The following ICE2 variants were observed in gnomAD, a reference collection of about 807,000 sequenced individuals.
The protein encoded by ICE2 is interactor of little elongation complex ELL subunit 2, also known as little elongation complex subunit 2.
A neutral mutation model predicts 105.4 loss-of-function variants in ICE2; 87 were observed. The observed-to-expected ratio is 0.83, with a 90% CI of 0.69 to 0.99. The LOEUF is 0.99. Among genes scored for constraint, ICE2 ranks in the 50% least tolerant of loss-of-function variants. The pLI is 0.00. For missense variants in ICE2, 1,323 were observed against 1,146.7 expected, an observed-to-expected ratio of 1.15 and a Z score of -2.22; for synonymous variants, 399 against 392.0, an observed-to-expected ratio of 1.02 and a Z score of -0.21.
At chr15:60,446,068 C>G (rs2141049448) in intron 11 of ICE2, among the ~76,000 whole-genome samples, 1 of 152,238 alleles carries the variant, frequency 6.6e-6, no homozygotes, top group Non-Finnish European at 1.5e-5. Flanking sequence ...ACTATCAAAC[C>G]TACAGAATTT....
At chr15:60,433,882 A>G (rs1433918982) in intron 13 of ICE2, among the ~76,000 whole-genome samples, 2 of 152,024 alleles carry the variant, frequency 1.3e-5, no homozygotes, top group East Asian at 1.9e-4. Context: ...CTATTCACAT[A>G]TGTAAAAAAA....
chr15:60,435,348 C>T (rs532368586), intron 13 of ICE2, among the ~76,000 whole-genome samples: 1 of 150,354 alleles, frequency 6.7e-6, no homozygotes, highest in Admixed American at 6.6e-5. Flanking sequence ...ACCTGTAATC[C>T]CAGCACTTTG....
chr15:60,445,366 C>T lies in ICE2; in HGVS notation c.2295+2604G>A, dbSNP rs192994149. Reference sequence around the variant, plus strand: ...CCCCTCACCATTTTCCTCATTTACTCGGTGCCGATTTACTGAATTTCCAGA... The same window carrying T: ...CCCCTCACCATTTTCCTCATTTACTTGGTGCCGATTTACTGAATTTCCAGA... On this transcript the variant is annotated intron_variant, in intron 11 of 15. Transcript: ENST00000261520. The T allele has an allele frequency of 5.2e-4, 89 of 170,382 alleles. No homozygotes were observed. The Middle Eastern group carries it at 0.031, about 59-fold the overall frequency. 10.6% of individuals were successfully genotyped at this position (170,382 alleles called of 1,614,324 possible).
intron 3 of ICE2, among the ~76,000 whole-genome samples, chr15:60,471,455 G>C (rs547481280): frequency 1.3e-4 from 20 of 152,268 alleles, no homozygotes; most frequent in African/African-American, 3.9e-4. Flanking sequence ...CTCTGAATAT[G>C]AGAACATGTC....
intron 3 of ICE2, among the ~76,000 whole-genome samples, chr15:60,474,360 C>G (rs868081379): frequency 1.3e-5 from 2 of 151,990 alleles, no homozygotes; most frequent in African/African-American, 4.8e-5. Context: ...ACAGTTTATC[C>G]TACTTATACA....
chr15:60,435,927 C>G (rs1045099619), intron 13 of ICE2, among the ~76,000 whole-genome samples: 2 of 151,636 alleles, frequency 1.3e-5, no homozygotes, highest in Non-Finnish European at 2.9e-5. Flanking sequence ...GAGCCGAGAT[C>G]ACACCACTGC....
Position 60,449,707 on chromosome 15 carries a change from T to A in ICE2, c.1260A>T (p.Ala420=). 6.2e-7 allele frequency: 1 copy of A among 1,614,148 alleles called. No homozygotes were observed. The highest frequency in any genetic ancestry group is 8.5e-7 in the Non-Finnish European group (1 of 1,180,032). The stretch of plus-strand genomic sequence containing the variant: ...TCATGTTAGGTACTGTGGAAGTACT[T>A]GCTGGACTTGGTGATTTTGATACTT... ...TTKVSKSPSP[A]STSTVPNMTD... is the part of the protein sequence containing the mutation. The change falls in exon 10 of 16, where the codon GCA becomes GCT. Residue 420 remains alanine (A), a synonymous_variant. Transcript: ENST00000261520.
At chr15:60,457,896 T>C (rs535511080) in intron 5 of ICE2, among the ~76,000 whole-genome samples, 1 of 152,308 alleles carries the variant, frequency 6.6e-6, no homozygotes, top group South Asian at 2.1e-4. Flanking sequence ...CTTGCAACAT[T>C]CCCTTCCTAT....
In ICE2 at chr15:60,423,476, T is replaced by C; in HGVS notation, c.*158A>G. 1 of 550,646 alleles carries C rather than the reference T, an allele frequency of 1.8e-6. No homozygotes were observed. Among genetic ancestry groups the C allele is most frequent in the Non-Finnish European group, 3.1e-6 (1 of 327,694 alleles). 34.1% of individuals were successfully genotyped at this position (550,646 alleles called of 1,614,324 possible). A position where few individuals can be genotyped will look rare whatever the true frequency, so the allele number is the denominator to read the frequency against. The stretch of plus-strand genomic sequence containing the variant: ...GAAAAGCATACCATTCCATTTTAGT[T>C]GAAATATTCCTTCACATAGCCAACA... On this transcript the variant is annotated 3_prime_UTR_variant, in exon 16 of 16. Coordinates refer to ENST00000261520, the MANE Select transcript of ICE2 (RefSeq NM_024611.6).
At chr15:60,425,308 C>G (rs769718233) in intron 15 of ICE2, among the ~76,000 whole-genome samples, 5 of 152,164 alleles carry the variant, frequency 3.3e-5, no homozygotes, top group Non-Finnish European at 5.9e-5. Flanking sequence ...ATCTATACCA[C>G]TCCTCACTCA....
chr15:60,448,773 A>C, intron 10 of ICE2, 75 bp downstream of exon 10: 1 of 1,266,770 alleles, frequency 7.9e-7, no homozygotes, highest in Non-Finnish European at 1.1e-6. Flanking sequence ...ATGACAAAGT[A>C]AAGGAACGAG....
rs1366370921 is a variant in ICE2 at position 60,421,803 on chromosome 15, A to AATG, written c.*1828_*1830dup. 6.6e-6 allele frequency: 1 copy of AATG among 152,202 alleles called. No homozygotes were observed. Among genetic ancestry groups the AATG allele is most frequent in the African/African-American group, 2.4e-5 (1 of 41,460 alleles). The allele number at this position is 152,202 out of a possible 1,614,324, so 9.4% of individuals were successfully genotyped here. ...AAAAACTCAGTGTTTTATAAAAGGG[A>AATG]ATGGCAGGATGAGGAAATGATTTAT... On this transcript the variant is annotated 3_prime_UTR_variant, in exon 16 of 16. Transcript: ENST00000261520.
Position 60,445,507 on chromosome 15 carries a change from A to G in ICE2, c.2295+2463T>C, listed in dbSNP as rs1220995109. 5.6e-6 allele frequency: 5 copies of G among 889,312 alleles called. No individual in the cohort carries two copies. The East Asian group carries it at 6.0e-4, about 106-fold the overall frequency. 55.1% of individuals were successfully genotyped at this position (889,312 alleles called of 1,614,324 possible). A position where few individuals can be genotyped will look rare whatever the true frequency, so the allele number is the denominator to read the frequency against. On this transcript the variant is annotated intron_variant, in intron 11 of 15. Transcript: ENST00000261520. ...ATATAATAACGGGGGCAATGTAAGC[A>G]TTCACTGAAAATTTTAAAATTTTAT... is the stretch of plus-strand genomic sequence containing the variant.
intron 3 of ICE2, among the ~76,000 whole-genome samples, chr15:60,473,788 C>T (rs2064677420): frequency 1.3e-5 from 2 of 152,178 alleles, no homozygotes; most frequent in African/African-American, 2.4e-5. Flanking sequence ...AATGTACATA[C>T]ATAGGGAGTC....
rs1453294286 is a variant in ICE2 at position 60,448,843 on chromosome 15, C to T, written c.2119+5G>A. On this transcript the variant is annotated splice_donor_5th_base_variant and intron_variant, in intron 10 of 15. Coordinates refer to ENST00000261520, the MANE Select transcript of ICE2 (RefSeq NM_024611.6). ...ACTGTAAGCTCTTTGTAAATATTTACTTACGTCCTTTTGGCTTCTGAAATG... is the reference window on the plus strand; with the variant it reads ...ACTGTAAGCTCTTTGTAAATATTTATTTACGTCCTTTTGGCTTCTGAAATG... The T allele has an allele frequency of 1.3e-6, 2 of 1,570,244 alleles. No individual in the cohort carries two copies. Among genetic ancestry groups the T allele is most frequent in the African/African-American group, 1.4e-5 (1 of 72,464 alleles).
Position 60,447,899 on chromosome 15 carries a change from C to T in ICE2, c.2295+71G>A, listed in dbSNP as rs2063858632. 4.0e-6 allele frequency: 5 copies of T among 1,249,520 alleles called. No homozygotes were observed. The Admixed American group carries it at 6.6e-5, about 16-fold the overall frequency. The allele number at this position is 1,249,520 out of a possible 1,614,324, so 77.4% of individuals were successfully genotyped here. ...TGAGTGCTCAACAATTTAAACTTCACAGTAATGGCATGTTAAGTATCTATT... is the reference window on the plus strand; with the variant it reads ...TGAGTGCTCAACAATTTAAACTTCATAGTAATGGCATGTTAAGTATCTATT... On this transcript the variant is annotated intron_variant, in intron 11 of 15. Coordinates refer to ENST00000261520, the MANE Select transcript of ICE2 (RefSeq NM_024611.6).
chr15:60,445,741 C>G (rs1397695710), intron 11 of ICE2: 4 of 985,150 alleles, frequency 4.1e-6, no homozygotes, highest in Non-Finnish European at 4.8e-6. Context: ...TTTCCCTAGG[C>G]TATTCTTACT....
At chr15:60,436,513 A>T (rs1011002775) in intron 12 of ICE2, among the ~76,000 whole-genome samples, 1 of 151,928 alleles carries the variant, frequency 6.6e-6, no homozygotes, top group African/African-American at 2.4e-5. Context: ...CAATTTATGA[A>T]CAACAACTAT....
chr15:60,435,834 G>C (rs941101108), intron 13 of ICE2, among the ~76,000 whole-genome samples: 2 of 151,942 alleles, frequency 1.3e-5, no homozygotes, highest in Non-Finnish European at 2.9e-5. Context: ...AAATGAGCTG[G>C]GCATGCTGGT....
Sources: gnomAD v4.1 joint callset for allele counts (sites outside exome capture counted in the v4.1 genomes callset) on GRCh38, gnomAD v4.1.1 for gene constraint, MANE v1.5 for transcripts, NCBI Gene and HGNC (gene_info 2026-07-23, HGNC 2026-07-21) for gene names.